NCKAP5: variants seen among roughly 807,000 people sequenced by gnomAD.
The protein encoded by NCKAP5 is NCK associated protein 5, also known as nck-associated protein 5.
In NCKAP5, 92 loss-of-function variants were observed where a neutral mutation model predicts 167.0. That is an observed-to-expected ratio of 0.55 (90% confidence interval 0.47 to 0.66). The LOEUF (loss-of-function observed/expected upper bound fraction) is 0.66, where lower values mean the gene tolerates loss of function less well. Ranked by LOEUF, NCKAP5 falls within the 30% of genes least tolerant of loss-of-function variation. NCKAP5 has a pLI of 0.00. For missense variants in NCKAP5, 2,378 were observed against 2,315.0 expected, an observed-to-expected ratio of 1.03 and a Z score of -0.56; for synonymous variants, 891 against 877.4, an observed-to-expected ratio of 1.02 and a Z score of -0.27.
At chr2:132,984,570 G>A (rs2077233685) in intron 7 of NCKAP5, among the ~76,000 whole-genome samples, 2 of 152,110 alleles carry the variant, frequency 1.3e-5, no homozygotes, top group African/African-American at 2.4e-5. Context: ...GCCATGCTGT[G>A]CTCGCCGTGC....
intron 11 of NCKAP5, among the ~76,000 whole-genome samples, chr2:132,859,631 C>T (rs1689731721): frequency 6.6e-6 from 1 of 152,158 alleles, no homozygotes; most frequent in Non-Finnish European, 1.5e-5. Context: ...GGACAAGGAC[C>T]TTCCTCTCAG....
At chr2:132,947,203 T>A (rs1697817247) in intron 8 of NCKAP5, among the ~76,000 whole-genome samples, 1 of 152,134 alleles carries the variant, frequency 6.6e-6, no homozygotes, top group Non-Finnish European at 1.5e-5. Context: ...AACTTTCAGG[T>A]TGTTAATATG....
At chr2:133,604,593 G>C in the NCKAP5 span, among the ~76,000 whole-genome samples, 2 of 152,060 alleles carry the variant, frequency 1.3e-5, no homozygotes, top group Non-Finnish European at 2.9e-5. Flanking sequence ...TGTTATCACC[G>C]AGAGAACAGA....
chr2:133,160,227 G>C (rs183204636), intron 5 of NCKAP5, among the ~76,000 whole-genome samples: 1 of 152,174 alleles, frequency 6.6e-6, no homozygotes, highest in Non-Finnish European at 1.5e-5. Flanking sequence ...CAGTAGGGAA[G>C]GATCTGCTCC....
At chr2:132,923,533 A>C (rs1053440825) in intron 8 of NCKAP5, among the ~76,000 whole-genome samples, 2 of 152,234 alleles carry the variant, frequency 1.3e-5, no homozygotes, top group Non-Finnish European at 2.9e-5. Flanking sequence ...TCTTAATGGT[A>C]CAGTTCTGCA....
intron 16 of NCKAP5, among the ~76,000 whole-genome samples, chr2:132,754,020 A>G (rs60090350): frequency 0.065 from 9,933 of 152,256 alleles, 1,072 homozygotes; most frequent in African/African-American, 0.23. Flanking sequence ...CATTTCCCAC[A>G]GGCTAAGCTA....
At chr2:133,634,610 A>T in the NCKAP5 span, among the ~76,000 whole-genome samples, 1 of 152,164 alleles carries the variant, frequency 6.6e-6, no homozygotes, top group African/African-American at 2.4e-5. Context: ...CTTTTACAGA[A>T]TCCTCATTTC....
intron 3 of NCKAP5, among the ~76,000 whole-genome samples, chr2:133,509,819 T>C (rs1051415646): frequency 3.3e-5 from 5 of 152,138 alleles, no homozygotes; most frequent in Non-Finnish European, 7.4e-5. Flanking sequence ...AAACTGTCGA[T>C]AGTGTCGAGG....
chr2:133,020,493 C>A (rs1171650076), intron 6 of NCKAP5, among the ~76,000 whole-genome samples: 1 of 152,132 alleles, frequency 6.6e-6, no homozygotes, highest in Non-Finnish European at 1.5e-5. Context: ...TACATGAATG[C>A]ATGAAGACAA....
chr2:132,908,871 A>ATTTTT (rs1694211270), intron 8 of NCKAP5, among the ~76,000 whole-genome samples: 1 of 152,194 alleles, frequency 6.6e-6, no homozygotes, highest in South Asian at 2.1e-4. Flanking sequence ...GAAATATCGT[A>ATTTTT]GTCTTTATTG....
chr2:132,917,187 C>T (rs1245263570), intron 8 of NCKAP5, among the ~76,000 whole-genome samples: 1 of 152,196 alleles, frequency 6.6e-6, no homozygotes, highest in Non-Finnish European at 1.5e-5. Context: ...GTAATCTACT[C>T]TTGATCTGCC....
intron 16 of NCKAP5, among the ~76,000 whole-genome samples, chr2:132,755,657 C>T (rs1427434022): frequency 2.0e-5 from 3 of 151,600 alleles, no homozygotes; most frequent in African/African-American, 4.9e-5. Flanking sequence ...GGTGAAACCC[C>T]GTCTCAACTA....
chr2:133,192,550 C>T (rs1162139172), intron 5 of NCKAP5, among the ~76,000 whole-genome samples: 2 of 150,378 alleles, frequency 1.3e-5, no homozygotes, highest in African/African-American at 2.4e-5. Flanking sequence ...TCTCAAAGCT[C>T]GAAAGAAAAA....
chr2:132,674,848 TCA>T (rs1684225959), intron 19 of NCKAP5, among the ~76,000 whole-genome samples: 1 of 152,122 alleles, frequency 6.6e-6, no homozygotes. Context: ...GAAACATTAC[TCA>T]CAGAGCTAAT....
intron 5 of NCKAP5, among the ~76,000 whole-genome samples, chr2:133,200,342 TA>T: frequency 6.6e-6 from 1 of 152,128 alleles, no homozygotes; most frequent in South Asian, 2.1e-4. Flanking sequence ...AACTGATTTT[TA>T]AAAAGAGCAC....
chr2:133,393,266 C>T (rs921873973), intron 3 of NCKAP5, among the ~76,000 whole-genome samples: 7 of 152,178 alleles, frequency 4.6e-5, no homozygotes, highest in African/African-American at 1.7e-4. Context: ...AAATCCTACA[C>T]CTAGCAGTAT....
intron 6 of NCKAP5, among the ~76,000 whole-genome samples, chr2:133,063,218 A>G (rs1320268145): frequency 6.6e-6 from 1 of 152,224 alleles, no homozygotes; most frequent in Non-Finnish European, 1.5e-5. Flanking sequence ...GAATGGATCA[A>G]GAGTGACTCC....
At chr2:133,042,903 T>C (rs774757065) in intron 6 of NCKAP5, among the ~76,000 whole-genome samples, 12 of 152,212 alleles carry the variant, frequency 7.9e-5, no homozygotes, top group Non-Finnish European at 1.5e-4. Flanking sequence ...TATAAATAAT[T>C]TTATATGATT....
rs574132166 is a variant in NCKAP5 at position 133,381,572 on chromosome 2, A to T, written c.70-78462T>A. ...AGAAATTAGAATAAATGAACATTAGAGCCAGGAGAACTCTTATAGACTATC... is the reference window on the plus strand; with the variant it reads ...AGAAATTAGAATAAATGAACATTAGTGCCAGGAGAACTCTTATAGACTATC... On this transcript the variant is annotated intron_variant, in intron 3 of 19. Transcript: ENST00000409261. The T allele has an allele frequency of 2.4e-4, 37 of 152,354 alleles. No homozygotes were observed. The East Asian group carries it at 6.9e-3, about 29-fold the overall frequency. 9.4% of individuals were successfully genotyped at this position (152,354 alleles called of 1,614,324 possible). A position where few individuals can be genotyped will look rare whatever the true frequency, so the allele number is the denominator to read the frequency against.
Sources: gnomAD v4.1 joint callset for allele counts (sites outside exome capture counted in the v4.1 genomes callset) on GRCh38, gnomAD v4.1.1 for gene constraint, MANE v1.5 for transcripts, NCBI Gene and HGNC (gene_info 2026-07-23, HGNC 2026-07-21) for gene names.